Variants in NFKB2 observed in about 807,000 individuals in gnomAD.
NFKB2 encodes nuclear factor kappa B subunit 2.
In NFKB2, 21 loss-of-function variants were observed where a neutral mutation model predicts 109.3. That is an observed-to-expected ratio of 0.19 (90% CI 0.14 to 0.28). The LOEUF is 0.28. NFKB2 is among the 10% of genes least tolerant of loss of function. The pLI is 1.00. For synonymous variants in NFKB2, 478 were observed against 489.9 expected (o/e 0.98, Z 0.32); for missense variants, 806 against 1,185.3 (o/e 0.68, Z 4.70).
Position 102,400,052 on chromosome 10 carries a change from G to A in NFKB2, c.1470-28G>A, listed in dbSNP as rs753409845. 6.2e-7 allele frequency: 1 copy of A among 1,607,344 alleles called. No homozygotes were observed. The highest frequency in any genetic ancestry group is 8.5e-7 in the Non-Finnish European group (1 of 1,174,424). On this transcript the variant is annotated intron_variant, in intron 14 of 22. Coordinates refer to ENST00000661543, the MANE Select transcript of NFKB2 (RefSeq NM_001322934.2). The surrounding 1 kb of genome is among the most constrained non-coding windows in gnomAD (Gnocchi z 6.3). ...AAGCGAAGGATGCTCTGAGTGGCTG[G>A]GCCAGACTCTCGCTCCCCAACCCCC... is the stretch of plus-strand genomic sequence containing the variant.
In NFKB2 at chr10:102,396,034, C is replaced by T. The variant is rs2061103605; in HGVS notation, c.21+54C>T. The T allele has an allele frequency of 6.2e-7, 1 of 1,608,252 alleles. No homozygotes were observed. Among genetic ancestry groups the T allele is most frequent in the Non-Finnish European group, 8.5e-7 (1 of 1,178,002 alleles). On this transcript the variant is annotated intron_variant, in intron 2 of 22. Transcript: ENST00000661543. The surrounding 1 kb of genome is among the most constrained non-coding windows in gnomAD (Gnocchi z 5.9). ...GCCGGCTGCCCCTCGTGTCTGTCCA[C>T]CTGTCTGCCCGAGCCCCCTCTGCTG...
At position 102,402,418 on chromosome 10, in the gene NFKB2, A is replaced by G. The variant is rs1220431055; in HGVS notation, c.*42A>G. The G allele has an allele frequency of 4.2e-6, 5 of 1,186,674 alleles. No individual in the cohort carries two copies. The highest frequency in any genetic ancestry group is 6.0e-6 in the Non-Finnish European group (5 of 839,532). 73.5% of individuals were successfully genotyped at this position (1,186,674 alleles called of 1,614,324 possible). ...AGCCCCCTTCCCGGACCCCCTGTAC[A>G]GCGTCCCCACCTATTTCAAATCTTA... is the stretch of plus-strand genomic sequence containing the variant. On this transcript the variant is annotated 3_prime_UTR_variant, in exon 23 of 23. Coordinates refer to ENST00000661543, the MANE Select transcript of NFKB2 (RefSeq NM_001322934.2).
In NFKB2 at chr10:102,401,905, G is replaced by A. The variant is rs768508691; in HGVS notation, c.2454G>A (p.Leu818=). 2 of 1,612,022 alleles carry A rather than the reference G, an allele frequency of 1.2e-6. No homozygotes were observed. Among genetic ancestry groups the A allele is most frequent in the Non-Finnish European group, 1.7e-6 (2 of 1,178,998 alleles). The part of the protein sequence containing the change: ...RQTTSPSGSL[L]RSYELAGGDL... ...CAACCTCACCCAGTGGCAGCCTCCT[G>A]CGCAGCTACGAGGTGGGTTGGCCTG... The change falls in exon 21 of 23, where the codon CTG becomes CTA. Residue 818 remains leucine, a synonymous_variant. Coordinates refer to ENST00000661543, the MANE Select transcript of NFKB2 (RefSeq NM_001322934.2). This position sits in a 1 kb window ranked among gnomAD's most constrained non-coding sequence, Gnocchi z 4.2.
Position 102,398,639 on chromosome 10 carries a change from G to C in NFKB2, c.992-100G>C. On this transcript the variant is annotated intron_variant, in intron 11 of 22. Transcript: ENST00000661543. This position sits in a 1 kb window ranked among gnomAD's most constrained non-coding sequence, Gnocchi z 6.6. ...CCAAGTCAGAAGTGCGAGGGTCCCA[G>C]GAGGTGCTTCCTAGGAGCCGGCCCT... 3.1e-6 allele frequency: 5 copies of C among 1,610,928 alleles called. No homozygotes were observed. In the South Asian group the frequency reaches 5.5e-5, roughly 18 times the overall value.
Position 102,401,070 on chromosome 10 carries a change from C to G in NFKB2, c.2071+21C>G, listed in dbSNP as rs774377883. On this transcript the variant is annotated intron_variant, in intron 18 of 22. Transcript: ENST00000661543. The surrounding 1 kb of genome is among the most constrained non-coding windows in gnomAD (Gnocchi z 4.2). ...GGCTGGTCAGTCTCACCCTCAGGGG[C>G]ACTTGAACAGGGTGGGGGGAAGGGA... The G allele has an allele frequency of 1.9e-6, 3 of 1,613,748 alleles. No homozygotes were observed. The highest frequency in any genetic ancestry group is 2.5e-6 in the Non-Finnish European group (3 of 1,179,822).
chr10:102,401,998 C>A lies in NFKB2; in HGVS notation c.2467-50C>A. On this transcript the variant is annotated intron_variant, in intron 21 of 22. Coordinates refer to ENST00000661543, the MANE Select transcript of NFKB2 (RefSeq NM_001322934.2). The surrounding 1 kb of genome is among the most constrained non-coding windows in gnomAD (Gnocchi z 4.2). ...GGTGCCTCCTTGGCCCCAGGGCTCC[C>A]GAGCACATGCCCTAACCATGACTCA... 1.3e-6 allele frequency: 2 copies of A among 1,577,830 alleles called. No individual in the cohort carries two copies. The highest frequency in any genetic ancestry group is 1.1e-5 in the South Asian group (1 of 86,964).
At chr10:102,395,629 A>C, upstream of NFKB2, 5 of 460,294 alleles carry the variant, frequency 1.1e-5, no homozygotes. Context: ...GGGCGGGGCC[A>C]GTGGCGTCAT....
chr10:102,399,972 GTGC>G, intron 14 of NFKB2, 105 bp from the exon 15 acceptor site: 1 of 1,218,914 alleles, frequency 8.2e-7, no homozygotes, highest in Admixed American at 2.0e-5. Flanking sequence ...CCTGGGCCAC[GTGC>G]TGGGTTCCAT....
In NFKB2 at chr10:102,400,428, C is replaced by G. The variant is rs763966838; in HGVS notation, c.1735C>G (p.Arg579Gly). 6.2e-7 allele frequency: 1 copy of G among 1,612,786 alleles called. No homozygotes were observed. The highest frequency in any genetic ancestry group is 1.7e-5 in the Admixed American group (1 of 59,998). The stretch of plus-strand genomic sequence containing the variant: ...AGGCGCTGGTGCTCCTGAGCTGCTG[C>G]GTGCACTGCTTCAGAGTGGAGCTCC... ...RAGAGAPELLRALLQSGAPAV... is the reference protein window; with the variant it reads ...RAGAGAPELLGALLQSGAPAV... The change falls in exon 16 of 23, where the codon CGT becomes GGT. Residue 579 changes from arginine (R) to glycine (G), a missense_variant. By Grantham distance (125) the Arg-to-Gly change is moderately radical (BLOSUM62 -2). Transcript: ENST00000661543. This position sits in a 1 kb window ranked among gnomAD's most constrained non-coding sequence, Gnocchi z 6.3.
In NFKB2 at chr10:102,396,621, C is replaced by G. The variant is rs1589858928; in HGVS notation, c.145-104C>G. On this transcript the variant is annotated intron_variant, in intron 4 of 22. Coordinates refer to ENST00000661543, the MANE Select transcript of NFKB2 (RefSeq NM_001322934.2). The surrounding 1 kb of genome is among the most constrained non-coding windows in gnomAD (Gnocchi z 5.9). Reference sequence around the variant, plus strand: ...GGATTGGATGGTCACTGCTGCTGATCAGAGTGCTGTAGTTTGGTTCAGGGC... The same window carrying G: ...GGATTGGATGGTCACTGCTGCTGATGAGAGTGCTGTAGTTTGGTTCAGGGC... The G allele has an allele frequency of 6.5e-7, 1 of 1,549,698 alleles. No individual in the cohort carries two copies. The highest frequency in any genetic ancestry group is 1.1e-5 in the South Asian group (1 of 88,316).
chr10:102,400,585 G>A lies in NFKB2; in HGVS notation c.1799-70G>A. The A allele has an allele frequency of 6.2e-7, 1 of 1,601,174 alleles. No individual in the cohort carries two copies. Among genetic ancestry groups the A allele is most frequent in the Non-Finnish European group, 8.5e-7 (1 of 1,171,738 alleles). On this transcript the variant is annotated intron_variant, in intron 16 of 22. Transcript: ENST00000661543. This position sits in a 1 kb window ranked among gnomAD's most constrained non-coding sequence, Gnocchi z 6.3. ...GAATGGACTATGAGGTGTCGAGATTGAATGGTCAGGGCTGGTCCAGGGGCT... is the reference window on the plus strand; with the variant it reads ...GAATGGACTATGAGGTGTCGAGATTAAATGGTCAGGGCTGGTCCAGGGGCT...
rs775494032 is a variant in NFKB2 at position 102,401,960 on chromosome 10, C to G, written c.2466+43C>G. On this transcript the variant is annotated intron_variant, in intron 21 of 22. Transcript: ENST00000661543. This position sits in a 1 kb window ranked among gnomAD's most constrained non-coding sequence, Gnocchi z 4.2. ...CTGCCCCCTCCCCAGCCTCCTTTCC[C>G]GATCTGAGTCCAGGTGCCTCCTTGG... is the stretch of plus-strand genomic sequence containing the variant. 5.6e-6 allele frequency: 9 copies of G among 1,595,736 alleles called. No homozygotes were observed. The highest frequency in any genetic ancestry group is 3.4e-5 in the South Asian group (3 of 88,650).
Position 102,396,016 on chromosome 10 carries a change from G to T in NFKB2, c.21+36G>T, listed in dbSNP as rs933787875. The T allele has an allele frequency of 1.2e-6, 2 of 1,611,122 alleles. No homozygotes were observed. The highest frequency in any genetic ancestry group is 2.7e-5 in the African/African-American group (2 of 75,002). On this transcript the variant is annotated intron_variant, in intron 2 of 22. Coordinates refer to ENST00000661543, the MANE Select transcript of NFKB2 (RefSeq NM_001322934.2). The surrounding 1 kb of genome is among the most constrained non-coding windows in gnomAD (Gnocchi z 5.9). Reference sequence around the variant, plus strand: ...CCGCCTGCCCCTGACCCGGCCGGCTGCCCCTCGTGTCTGTCCACCTGTCTG... The same window carrying T: ...CCGCCTGCCCCTGACCCGGCCGGCTTCCCCTCGTGTCTGTCCACCTGTCTG...
chr10:102,397,951 A>G lies in NFKB2; in HGVS notation c.662-30A>G, dbSNP rs776646718. 1 of 1,608,078 alleles carries G rather than the reference A, an allele frequency of 6.2e-7. No homozygotes were observed. On this transcript the variant is annotated intron_variant, in intron 8 of 22. Coordinates refer to ENST00000661543, the MANE Select transcript of NFKB2 (RefSeq NM_001322934.2). This position sits in a 1 kb window ranked among gnomAD's most constrained non-coding sequence, Gnocchi z 4.7. The stretch of plus-strand genomic sequence containing the variant: ...TAAATGTGGCCTTGGCTATTGCATC[A>G]TCTCAACTAATCCATATCCCACTCC...
chr10:102,399,951 C>A, intron 14 of NFKB2, 129 bp from the exon 15 acceptor site: 3 of 1,096,486 alleles, frequency 2.7e-6, no homozygotes, highest in Non-Finnish European at 4.0e-6. Flanking sequence ...TAAGTGCAGG[C>A]ACAGCGATGC....
Position 102,399,713 on chromosome 10 carries a change from A to T in NFKB2, c.1464A>T (p.Gly488=). 2 of 1,485,596 alleles carry T rather than the reference A, an allele frequency of 1.3e-6. No individual in the cohort carries two copies. The highest frequency in any genetic ancestry group is 5.1e-5 in the East Asian group (2 of 39,556). 92.0% of individuals were successfully genotyped at this position (1,485,596 alleles called of 1,614,324 possible). A position where few individuals can be genotyped will look rare whatever the true frequency, so the allele number is the denominator to read the frequency against. The change falls in exon 14 of 23, where the codon GGA becomes GGT. Residue 488 remains glycine, a synonymous_variant. Coordinates refer to ENST00000661543, the MANE Select transcript of NFKB2 (RefSeq NM_001322934.2). ...TGCTGACGGCGCAGGACGAGAACGG[A>T]GACACGTAGGCAACAGAGGGCCTGG... The part of the protein sequence containing the change: ...RHLLTAQDEN[G]DTPLHLAIIH...
At position 102,401,280 on chromosome 10, in the gene NFKB2, C is replaced by T; in HGVS notation, c.2172C>T (p.Thr724=). Reference sequence around the variant, plus strand: ...ACTCTGAAGGGCCTGAGAAGGACACCCGAAGCAGCTTCCGGGGCCACACGC... The same window carrying T: ...ACTCTGAAGGGCCTGAGAAGGACACTCGAAGCAGCTTCCGGGGCCACACGC... ...DSDSEGPEKD[T]RSSFRGHTPL... is the part of the protein sequence containing the mutation. The change falls in exon 19 of 23, where the codon ACC becomes ACT. Residue 724 remains threonine, a synonymous_variant. Transcript: ENST00000661543. This position sits in a 1 kb window ranked among gnomAD's most constrained non-coding sequence, Gnocchi z 4.2. 2 of 1,611,590 alleles carry T rather than the reference C, an allele frequency of 1.2e-6. No homozygotes were observed. Among genetic ancestry groups the T allele is most frequent in the Non-Finnish European group, 1.7e-6 (2 of 1,178,608 alleles).
Position 102,401,351 on chromosome 10 carries a change from A to G in NFKB2, c.2223+20A>G, listed in dbSNP as rs760216642. On this transcript the variant is annotated intron_variant, in intron 19 of 22. Transcript: ENST00000661543. The surrounding 1 kb of genome is among the most constrained non-coding windows in gnomAD (Gnocchi z 4.2). ...ACCAAGGTGAGGCCAGCCCGGGACTAGAAGTGCTCTGAGTGACGGGGTCCA... is the reference window on the plus strand; with the variant it reads ...ACCAAGGTGAGGCCAGCCCGGGACTGGAAGTGCTCTGAGTGACGGGGTCCA... 4 of 1,608,586 alleles carry G rather than the reference A, an allele frequency of 2.5e-6. No homozygotes were observed. The highest frequency in any genetic ancestry group is 1.7e-5 in the Admixed American group (1 of 59,710).
Position 102,396,066 on chromosome 10 carries a change from A to G in NFKB2, c.21+86A>G. On this transcript the variant is annotated intron_variant, in intron 2 of 22. Coordinates refer to ENST00000661543, the MANE Select transcript of NFKB2 (RefSeq NM_001322934.2). The surrounding 1 kb of genome is among the most constrained non-coding windows in gnomAD (Gnocchi z 5.9). ...GCCCGAGCCCCCTCTGCTGCCTTAC[A>G]CCTGTATGCTCGCAGATGCTCTCAG... is the stretch of plus-strand genomic sequence containing the variant. 2.6e-6 allele frequency: 4 copies of G among 1,560,310 alleles called. No homozygotes were observed. In the South Asian group the frequency reaches 3.3e-5, roughly 13 times the overall value.
Sources: allele counts gnomAD v4.1 joint callset, GRCh38; gene constraint gnomAD v4.1.1; non-coding constraint Gnocchi (gnomAD v3.1); transcripts MANE v1.5; gene names NCBI Gene and HGNC (gene_info 2026-07-23, HGNC 2026-07-21).